GPATCH2: variants seen among roughly 807,000 people sequenced by gnomAD.
GPATCH2 encodes G patch domain-containing protein 2.
GPATCH2 carries 51 observed loss-of-function variants against 58.0 expected under a neutral mutation model. The observed-to-expected ratio is 0.88, with a 90% CI of 0.70 to 1.11. The LOEUF (loss-of-function observed/expected upper bound fraction) is 1.11, where lower values mean the gene tolerates loss of function less well. GPATCH2 is among the 50% of genes most tolerant of loss of function. GPATCH2 has a pLI of 0.00. For synonymous variants in GPATCH2, 222 were observed against 218.5 expected (o/e 1.02, Z -0.14); for missense variants, 625 against 652.2 (o/e 0.96, Z 0.45).
At chr1:217,582,980 G>C (rs2102746700) in intron 5 of GPATCH2, among the ~76,000 whole-genome samples, 1 of 152,288 alleles carries the variant, frequency 6.6e-6, no homozygotes, top group African/African-American at 2.4e-5. Context: ...GCATTTATCA[G>C]AATTTTAAGT....
chr1:217,622,980 T>C (rs1228791342), intron 1 of GPATCH2, among the ~76,000 whole-genome samples: 7 of 152,252 alleles, frequency 4.6e-5, no homozygotes, highest in African/African-American at 1.7e-4. Context: ...CTATTATCTA[T>C]GTTATCAAAT....
chr1:217,497,985 A>G (rs1161224046), intron 7 of GPATCH2, among the ~76,000 whole-genome samples: 1 of 152,214 alleles, frequency 6.6e-6, no homozygotes, highest in Non-Finnish European at 1.5e-5. Flanking sequence ...AGATACAAAT[A>G]TTCTCTTCCT....
intron 2 of GPATCH2, among the ~76,000 whole-genome samples, chr1:217,614,596 C>T (rs1014301837): frequency 3.3e-5 from 5 of 152,018 alleles, no homozygotes; most frequent in African/African-American, 1.2e-4. Context: ...GCAGGCTAAG[C>T]CTTTCCTCAG....
intron 5 of GPATCH2, among the ~76,000 whole-genome samples, chr1:217,579,297 T>C (rs1239364000): frequency 6.6e-6 from 1 of 151,758 alleles, no homozygotes; most frequent in African/African-American, 2.4e-5. Flanking sequence ...AAAGCGAAGG[T>C]TTGCAATGGC....
chr1:217,627,377 C>T (rs1176043920), intron 1 of GPATCH2, among the ~76,000 whole-genome samples: 1 of 151,894 alleles, frequency 6.6e-6, no homozygotes, highest in African/African-American at 2.4e-5. Flanking sequence ...GGAAGGCTAG[C>T]AGACATATAT....
At chr1:217,564,496 C>G (rs913853275) in intron 5 of GPATCH2, among the ~76,000 whole-genome samples, 1 of 151,696 alleles carries the variant, frequency 6.6e-6, no homozygotes, top group Non-Finnish European at 1.5e-5. Flanking sequence ...TTCTCCGGCA[C>G]GGCAAATACT....
intron 5 of GPATCH2, among the ~76,000 whole-genome samples, chr1:217,595,525 G>A (rs1008884699): frequency 2.0e-5 from 3 of 150,696 alleles, no homozygotes; most frequent in African/African-American, 7.3e-5. Context: ...TTTTGATGGA[G>A]TCTCACTTTT....
intron 5 of GPATCH2, among the ~76,000 whole-genome samples, chr1:217,524,868 A>G (rs1197921278): frequency 2.6e-4 from 1 of 3,870 alleles, no homozygotes; most frequent in Non-Finnish European, 5.3e-4. Context: ...GAGAGGGGAG[A>G]GGGGAGAGGG....
At chr1:217,435,009 A>C (rs934759834) in intron 9 of GPATCH2, among the ~76,000 whole-genome samples, 1 of 152,188 alleles carries the variant, frequency 6.6e-6, no homozygotes, top group African/African-American at 2.4e-5. Flanking sequence ...AACCCAAAAA[A>C]CAAAAAAAAG....
intron 5 of GPATCH2, among the ~76,000 whole-genome samples, chr1:217,550,250 G>A (rs1665281081): frequency 6.6e-6 from 1 of 152,052 alleles, no homozygotes; most frequent in Non-Finnish European, 1.5e-5. Flanking sequence ...AGGGCATGAT[G>A]AGGATAAAGT....
At chr1:217,616,761 C>T (rs1031581652) in intron 2 of GPATCH2, among the ~76,000 whole-genome samples, 22 of 152,054 alleles carry the variant, frequency 1.4e-4, no homozygotes, top group African/African-American at 5.3e-4. Flanking sequence ...TTTTATAACA[C>T]GGTATTTGGA....
At chr1:217,484,761 G>A (rs1256004272) in intron 8 of GPATCH2, among the ~76,000 whole-genome samples, 1 of 149,978 alleles carries the variant, frequency 6.7e-6, no homozygotes, top group African/African-American at 2.4e-5. Flanking sequence ...GGAGGTATAG[G>A]TATATATAGG....
intron 5 of GPATCH2, among the ~76,000 whole-genome samples, chr1:217,588,734 C>T (rs1667452805): frequency 1.3e-5 from 2 of 152,154 alleles, no homozygotes; most frequent in Middle Eastern, 3.4e-3. Context: ...GGAATATAGC[C>T]TCCTAAAATA....
chr1:217,544,867 G>A (rs1664952242), intron 5 of GPATCH2, among the ~76,000 whole-genome samples: 1 of 151,988 alleles, frequency 6.6e-6, no homozygotes, highest in African/African-American at 2.4e-5. Context: ...CAATATACCT[G>A]CCCTTTATGT....
At chr1:217,566,016 G>T (rs768119175) in intron 5 of GPATCH2, among the ~76,000 whole-genome samples, 1 of 146,412 alleles carries the variant, frequency 6.8e-6, no homozygotes, top group South Asian at 2.1e-4. Context: ...CAGGAGAATC[G>T]CTTGAACTTG....
At chr1:217,540,992 G>C (rs1478996429) in intron 5 of GPATCH2, among the ~76,000 whole-genome samples, 2 of 152,178 alleles carry the variant, frequency 1.3e-5, no homozygotes, top group East Asian at 3.9e-4. Flanking sequence ...CTGTGTACTT[G>C]TGTGACAACC....
intron 5 of GPATCH2, among the ~76,000 whole-genome samples, chr1:217,597,192 G>C (rs2102782516): frequency 6.6e-6 from 1 of 152,056 alleles, no homozygotes; most frequent in African/African-American, 2.4e-5. Flanking sequence ...GATTAGCTGG[G>C]CATGGTGGTC....
chr1:217,538,925 C>T (rs2102639652), intron 5 of GPATCH2, among the ~76,000 whole-genome samples: 1 of 152,290 alleles, frequency 6.6e-6, no homozygotes, highest in East Asian at 1.9e-4. Context: ...ACTCCCATCA[C>T]TGCCCCCTTT....
chr1:217,608,689 A>G, intron 5 of GPATCH2: 1 of 983,922 alleles, frequency 1.0e-6, no homozygotes, highest in Non-Finnish European at 1.2e-6. Context: ...TTTTAAAGTG[A>G]CTTATTCAGA....
Sources: gnomAD v4.1 joint callset for allele counts (sites outside exome capture counted in the v4.1 genomes callset) on GRCh38, gnomAD v4.1.1 for gene constraint, MANE v1.5 for transcripts, NCBI Gene and HGNC (gene_info 2026-07-23, HGNC 2026-07-21) for gene names.